LEKR1: variants seen among roughly 807,000 people sequenced by gnomAD.
LEKR1 encodes the protein leucine, glutamate and lysine rich 1.
Under a neutral mutation model 72.4 loss-of-function variants are expected in LEKR1, and 59 were observed. That is an observed-to-expected ratio of 0.82 (90% CI 0.66 to 1.01). LEKR1 has a LOEUF of 1.01. Ranked by LOEUF, LEKR1 falls within the 50% of genes least tolerant of loss-of-function variation. The probability of loss-of-function intolerance (pLI) is 0.00; values close to 1 mark genes in which losing one functional copy is unlikely to be tolerated. For synonymous variants in LEKR1, 257 were observed against 263.2 expected (o/e 0.98, Z 0.23); for missense variants, 728 against 759.2 (o/e 0.96, Z 0.48).
rs868567094 is a variant in LEKR1, at chr3:156,900,941, G to T, written c.264-19634G>T. On this transcript the variant is annotated intron_variant, in intron 3 of 12. Coordinates refer to ENST00000356539, the MANE Select transcript of LEKR1 (RefSeq NM_001004316.3). ...TCTTTGAATGATCTTTGTTTTGGAAGTAGCCATAATAATTCACACCTTTTT... is the reference window on the plus strand; with the variant it reads ...TCTTTGAATGATCTTTGTTTTGGAATTAGCCATAATAATTCACACCTTTTT... 3.1e-3 allele frequency among the ~76,000 whole-genome samples: 478 copies of T among 152,224 alleles called. 2 individuals are homozygous for T. The highest frequency in any genetic ancestry group is 0.011 in the African/African-American group (453 of 41,560).
intron 6 of LEKR1, among the ~76,000 whole-genome samples, chr3:156,963,714 T>C (rs1211569887): frequency 6.6e-6 from 1 of 152,174 alleles, no homozygotes; most frequent in African/African-American, 2.4e-5. Flanking sequence ...ATCACCCTCC[T>C]GGGTTAAGCA....
Position 156,852,988 on chromosome 3 carries a change from G to A in LEKR1, c.263+6G>A. 2 of 1,514,576 alleles carry A rather than the reference G, an allele frequency of 1.3e-6. No homozygotes were observed. The highest frequency in any genetic ancestry group is 1.4e-5 in the African/African-American group (1 of 72,512). 93.8% of individuals were successfully genotyped at this position (1,514,576 alleles called of 1,614,324 possible). On this transcript the variant is annotated splice_donor_region_variant and intron_variant, in intron 3 of 12. Coordinates refer to ENST00000356539, the MANE Select transcript of LEKR1 (RefSeq NM_001004316.3). ...AACAAATCCAAAACAGAAAGGTTGAGTATGTTTTTCTTTTCTATCATTTAT... is the reference window on the plus strand; with the variant it reads ...AACAAATCCAAAACAGAAAGGTTGAATATGTTTTTCTTTTCTATCATTTAT...
At chr3:157,026,964 C>T (rs1305532297) in intron 11 of LEKR1, among the ~76,000 whole-genome samples, 1 of 152,168 alleles carries the variant, frequency 6.6e-6, no homozygotes, top group Non-Finnish European at 1.5e-5. Flanking sequence ...AGAAGCAATA[C>T]ATTTTCAGAA....
chr3:156,890,664 T>C (rs1720557016), intron 3 of LEKR1, among the ~76,000 whole-genome samples: 1 of 152,130 alleles, frequency 6.6e-6, no homozygotes, highest in East Asian at 1.9e-4. Flanking sequence ...TTCCCTGTCA[T>C]TGTATTTGGA....
intron 10 of LEKR1, among the ~76,000 whole-genome samples, chr3:157,015,690 G>T (rs1287849579): frequency 6.6e-6 from 1 of 151,986 alleles, no homozygotes; most frequent in Admixed American, 6.6e-5. Flanking sequence ...GCCATCCTTG[G>T]AAATATACAA....
intron 6 of LEKR1, among the ~76,000 whole-genome samples, chr3:156,952,879 A>T (rs1017622422): frequency 1.3e-5 from 2 of 151,500 alleles, no homozygotes; most frequent in Non-Finnish European, 3.0e-5. Flanking sequence ...AGCCATAGAG[A>T]GAGAGAAAGA....
chr3:156,927,537 A>G lies in LEKR1; in HGVS notation c.492A>G (p.Gln164=). 8.1e-7 allele frequency: 1 copy of G among 1,238,358 alleles called. No individual in the cohort carries two copies. The highest frequency in any genetic ancestry group is 1.4e-5 in the South Asian group (1 of 70,350). The allele number at this position is 1,238,358 out of a possible 1,614,324, so 76.7% of individuals were successfully genotyped here. A position where few individuals can be genotyped will look rare whatever the true frequency, so the allele number is the denominator to read the frequency against. Residue 164 remains glutamine, a synonymous_variant, in exon 5 of 13, where the codon CAA becomes CAG. Coordinates refer to ENST00000356539, the MANE Select transcript of LEKR1 (RefSeq NM_001004316.3). The part of the protein sequence containing the change: ...SIKNEVYDNY[Q]NWTSLKGAVF... ...AAAATGAAGTATATGATAATTACCA[A>G]AACTGGACTTCATTGAAAGGAGCAG...
At chr3:156,930,447 G>A (rs1306288959) in intron 5 of LEKR1, among the ~76,000 whole-genome samples, 1 of 152,048 alleles carries the variant, frequency 6.6e-6, no homozygotes, top group East Asian at 1.9e-4. Flanking sequence ...AAAGGATGGA[G>A]AGGTGGATAA....
At chr3:156,988,281 G>A in intron 7 of LEKR1, 1 of 202,952 alleles carries the variant, frequency 4.9e-6, no homozygotes, top group Middle Eastern at 5.1e-4. Flanking sequence ...TACAGCGGTA[G>A]ATATCTGTCT....
At chr3:157,024,695 A>G (rs1264808437) in intron 10 of LEKR1, 65 bp from the exon 11 acceptor site, 11 of 1,158,084 alleles carry the variant, frequency 9.5e-6, no homozygotes, top group Middle Eastern at 2.2e-4. Context: ...GAGTTTGAAA[A>G]TAAGCTTAAT....
At chr3:157,020,509 A>T (rs1252454684) in intron 10 of LEKR1, among the ~76,000 whole-genome samples, 1 of 139,932 alleles carries the variant, frequency 7.1e-6, no homozygotes, top group Non-Finnish European at 1.5e-5. Flanking sequence ...ATTGCCATCT[A>T]TGAGTGAGAA....
Position 156,985,379 on chromosome 3 carries a change from T to C in LEKR1, c.827+6104T>C, listed in dbSNP as rs1328101408. Among the ~76,000 whole-genome samples, 3 of 151,914 alleles carry C rather than the reference T, an allele frequency of 2.0e-5. No individual in the cohort carries two copies. The South Asian group carries it at 6.2e-4, about 32-fold the overall frequency. On this transcript the variant is annotated intron_variant, in intron 7 of 12. Transcript: ENST00000356539. Reference sequence around the variant, plus strand: ...ATGATTACATCTGGGAGGAAGGAGATCAAGACAAGACCCTACGTTTCTTGG... The same window carrying C: ...ATGATTACATCTGGGAGGAAGGAGACCAAGACAAGACCCTACGTTTCTTGG...
intron 12 of LEKR1, among the ~76,000 whole-genome samples, chr3:157,040,072 C>T (rs550434097): frequency 1.3e-5 from 2 of 151,658 alleles, no homozygotes; most frequent in Non-Finnish European, 2.9e-5. Flanking sequence ...TAGCCTTGGG[C>T]CATGGGGCAG....
At chr3:156,920,473 T>C in intron 3 of LEKR1, 102 bp from the exon 4 acceptor site, 1 of 728,722 alleles carries the variant, frequency 1.4e-6, no homozygotes, top group South Asian at 1.9e-5. Flanking sequence ...AGACATAGTT[T>C]CTTCTTCTAC....
chr3:156,923,116 A>T (rs563713236), intron 4 of LEKR1, among the ~76,000 whole-genome samples: 1 of 152,224 alleles, frequency 6.6e-6, no homozygotes, highest in East Asian at 1.9e-4. Context: ...TTGATCCCAT[A>T]GTTTATTACC....
chr3:156,989,032 T>C (rs1408342535), intron 7 of LEKR1, among the ~76,000 whole-genome samples: 2 of 152,030 alleles, frequency 1.3e-5, no homozygotes, highest in Admixed American at 1.3e-4. Flanking sequence ...AGGGTTTCAC[T>C]ATGTTGGCCA....
chr3:157,016,243 C>T (rs1733321897), intron 10 of LEKR1, among the ~76,000 whole-genome samples: 1 of 152,002 alleles, frequency 6.6e-6, no homozygotes, highest in Admixed American at 6.6e-5. Context: ...CTCAATAAGC[C>T]TCAGGCACAA....
chr3:157,021,121 G>A (rs1733800263), intron 10 of LEKR1, among the ~76,000 whole-genome samples: 1 of 151,840 alleles, frequency 6.6e-6, no homozygotes, highest in Admixed American at 6.6e-5. Context: ...CTTTTTGATG[G>A]GGTTGTTTGT....
In LEKR1 at chr3:156,857,216, A is replaced by G. The variant is rs973711409; in HGVS notation, c.263+4234A>G. ...TTAATCTGTTAATATAGTAAATCAT[A>G]CTAATGGATTTTCTAATATGAAGCT... On this transcript the variant is annotated intron_variant, in intron 3 of 12. Transcript: ENST00000356539. Among the ~76,000 whole-genome samples the G allele has an allele frequency of 2.4e-4, 36 of 152,102 alleles. 1 individual carries two copies. The highest frequency in any genetic ancestry group is 6.3e-4 in the African/African-American group (26 of 41,464).
Sources: gnomAD v4.1 joint callset for allele counts (sites outside exome capture counted in the v4.1 genomes callset) on GRCh38, gnomAD v4.1.1 for gene constraint, MANE v1.5 for transcripts, NCBI Gene and HGNC (gene_info 2026-07-23, HGNC 2026-07-21) for gene names.